Variants in RTN1 observed in about 807,000 individuals in gnomAD.
The protein encoded by RTN1 is reticulon 1, also known as reticulon-1.
Under a neutral mutation model 65.5 loss-of-function variants are expected in RTN1, and 25 were observed. The observed-to-expected ratio is 0.38, with a 90% CI of 0.28 to 0.53. The LOEUF (loss-of-function observed/expected upper bound fraction) is 0.53. RTN1 is among the 20% of genes least tolerant of loss of function. The pLI, the probability that RTN1 is intolerant of heterozygous loss-of-function variation, is 0.79. For synonymous variants in RTN1, 471 were observed against 447.6 expected, an observed-to-expected ratio of 1.05 and a Z score of -0.66; for missense variants, 983 against 1,025.4, an observed-to-expected ratio of 0.96 and a Z score of 0.57.
chr14:59,695,161 G>C (rs1884038076), intron 3 of RTN1, among the ~76,000 whole-genome samples: 1 of 152,134 alleles, frequency 6.6e-6, no homozygotes, highest in Non-Finnish European at 1.5e-5. Flanking sequence ...GAGGGTGGTA[G>C]GTAGTGAGGT....
intron 1 of RTN1, among the ~76,000 whole-genome samples, chr14:59,778,736 C>A (rs751578441): frequency 1.3e-5 from 2 of 152,112 alleles, no homozygotes; most frequent in African/African-American, 2.4e-5. Flanking sequence ...AAGTGCTTAC[C>A]AAATAGACCA....
At chr14:59,757,401 C>T (rs935612481) in intron 1 of RTN1, among the ~76,000 whole-genome samples, 1 of 152,096 alleles carries the variant, frequency 6.6e-6, no homozygotes, top group Non-Finnish European at 1.5e-5. Flanking sequence ...TGGGAAACCC[C>T]TTTTGCTTGG....
In RTN1 at chr14:59,768,519, G is replaced by A. The variant is rs570975956; in HGVS notation, c.242-22038C>T. On this transcript the variant is annotated intron_variant, in intron 1 of 8. Transcript: ENST00000267484. ...ATGCATCCTGGCTCTTGATCTGGTC[G>A]TTGCTACCACAGAGCCCTGGATTGT... Among the ~76,000 whole-genome samples the A allele has an allele frequency of 2.2e-3, 333 of 152,188 alleles. 2 individuals carry two copies. Among genetic ancestry groups the A allele is most frequent in the Non-Finnish European group, 3.5e-3 (236 of 68,012 alleles).
chr14:59,669,372 G>C (rs533569047), intron 3 of RTN1, among the ~76,000 whole-genome samples: 1 of 152,030 alleles, frequency 6.6e-6, no homozygotes, highest in African/African-American at 2.4e-5. Flanking sequence ...ATCAAACACT[G>C]CATGTTCTCA....
intron 3 of RTN1, among the ~76,000 whole-genome samples, chr14:59,646,082 C>T (rs1223432886): frequency 3.3e-5 from 5 of 152,026 alleles, no homozygotes; most frequent in South Asian, 2.1e-4. Flanking sequence ...AAAATGATAC[C>T]GAAGCTGACA....
chr14:59,714,346 A>G (rs1884488544), intron 3 of RTN1, among the ~76,000 whole-genome samples: 1 of 152,198 alleles, frequency 6.6e-6, no homozygotes, highest in Admixed American at 6.5e-5. Flanking sequence ...GGGTTATCCC[A>G]TTAGAATAAT....
intron 3 of RTN1, among the ~76,000 whole-genome samples, chr14:59,692,228 T>A (rs1883976860): frequency 6.6e-6 from 1 of 152,138 alleles, no homozygotes; most frequent in Non-Finnish European, 1.5e-5. Context: ...ATGACTTCAG[T>A]AAAGTTTCAG....
intron 1 of RTN1, among the ~76,000 whole-genome samples, chr14:59,799,519 G>T (rs758818775): frequency 3.9e-4 from 60 of 152,200 alleles, no homozygotes; most frequent in Non-Finnish European, 7.5e-4. Flanking sequence ...CTTTAATAGA[G>T]CATGGAAGAA....
In RTN1 at chr14:59,746,448, G is replaced by A. The variant is rs920265281; in HGVS notation, c.275C>T (p.Thr92Ile). 4 of 1,606,196 alleles carry A rather than the reference G, an allele frequency of 2.5e-6. No individual in the cohort carries two copies. In the African/African-American group the frequency reaches 4.0e-5, roughly 16 times the overall value. The change falls in exon 2 of 9, where the codon ACC becomes ATC. Residue 92 changes from threonine to isoleucine, a missense_variant. By Grantham distance (89) the Thr-to-Ile change is moderately conservative. Transcript: ENST00000267484. ...VAGVSSAMDH[T>I]FSTTSKDGEG... ...CCCATCTTTTGATGTTGTTGAGAAG[G>A]TGTGGTCCATGGCACTGGAAACACC... is the stretch of plus-strand genomic sequence containing the variant.
rs1264625413 is a variant in RTN1, at chr14:59,601,608, T to A, written c.2288+1457A>T. Among the ~76,000 whole-genome samples, 3 of 152,194 alleles carry A rather than the reference T, an allele frequency of 2.0e-5. No homozygotes were observed. The East Asian group carries it at 5.8e-4, about 29-fold the overall frequency. On this transcript the variant is annotated intron_variant, in intron 8 of 8. Transcript: ENST00000267484. ...AAACCAAATGAAAAAGTAATAGGTA[T>A]GATTTGTGATACTCAAACTAAGTAT... is the stretch of plus-strand genomic sequence containing the variant.
At chr14:59,867,525 G>A (rs1047306496) in intron 1 of RTN1, among the ~76,000 whole-genome samples, 1 of 152,142 alleles carries the variant, frequency 6.6e-6, no homozygotes, top group Non-Finnish European at 1.5e-5. Context: ...TGAAAATAGA[G>A]GATTGATGGA....
At chr14:59,832,846 G>T (rs1417429892) in intron 1 of RTN1, among the ~76,000 whole-genome samples, 3 of 152,142 alleles carry the variant, frequency 2.0e-5, no homozygotes, top group African/African-American at 7.2e-5. Flanking sequence ...GGAGATTTAT[G>T]ATCTTGTTGT....
At chr14:59,822,563 G>T (rs1266245269) in intron 1 of RTN1, among the ~76,000 whole-genome samples, 3 of 152,134 alleles carry the variant, frequency 2.0e-5, no homozygotes, top group Non-Finnish European at 4.4e-5. Context: ...TTTGGGGTTG[G>T]TTTGCTCATG....
chr14:59,807,500 C>T (rs890648128), intron 1 of RTN1, among the ~76,000 whole-genome samples: 3 of 152,216 alleles, frequency 2.0e-5, no homozygotes, highest in Non-Finnish European at 4.4e-5. Flanking sequence ...CAGTGCCATT[C>T]AAGGGAAACC....
chr14:59,850,720 T>C (rs1004417750), intron 1 of RTN1, among the ~76,000 whole-genome samples: 8 of 152,190 alleles, frequency 5.3e-5, no homozygotes, highest in African/African-American at 1.9e-4. Flanking sequence ...CAAATAACAA[T>C]AATTGATAGA....
chr14:59,749,410 CTATATATATCTA>C (rs1366242043), intron 1 of RTN1, among the ~76,000 whole-genome samples: 1 of 55,834 alleles, frequency 1.8e-5, no homozygotes, highest in African/African-American at 1.4e-4. Context: ...ATATCTATAT[CTATATATATCTA>C]TATATCTATA....
intron 3 of RTN1, among the ~76,000 whole-genome samples, chr14:59,712,336 G>A (rs1818994160): frequency 6.6e-6 from 1 of 152,166 alleles, no homozygotes; most frequent in Non-Finnish European, 1.5e-5. Context: ...ATCTACAGAT[G>A]TTATATCCAC....
chr14:59,758,912 C>T (rs1441632617), intron 1 of RTN1, among the ~76,000 whole-genome samples: 1 of 152,144 alleles, frequency 6.6e-6, no homozygotes, highest in African/African-American at 2.4e-5. Flanking sequence ...AAATGAAGGA[C>T]ATTCTCATAT....
rs1014889516 is a variant in RTN1, at chr14:59,790,965, C to A, written c.242-44484G>T. Among the ~76,000 whole-genome samples the A allele has an allele frequency of 6.6e-6, 1 of 152,136 alleles. No individual in the cohort carries two copies. Among genetic ancestry groups the A allele is most frequent in the Non-Finnish European group, 1.5e-5 (1 of 68,022 alleles). ...TTCTAATTATTTATTACTTTGGTAGCAATATCATTTTGGCCCTCAATTCAT... is the reference window on the plus strand; with the variant it reads ...TTCTAATTATTTATTACTTTGGTAGAAATATCATTTTGGCCCTCAATTCAT... On this transcript the variant is annotated intron_variant, in intron 1 of 8. Transcript: ENST00000267484. This position sits in a 1 kb window ranked among gnomAD's most constrained non-coding sequence, Gnocchi z 4.1.
Sources: gnomAD v4.1 joint callset for allele counts (sites outside exome capture counted in the v4.1 genomes callset) on GRCh38, gnomAD v4.1.1 for gene constraint, Gnocchi (gnomAD v3.1) non-coding constraint, MANE v1.5 for transcripts, NCBI Gene and HGNC (gene_info 2026-07-23, HGNC 2026-07-21) for gene names.